COTL1: variants seen among roughly 807,000 people sequenced by gnomAD.
COTL1 encodes coactosin like F-actin binding protein 1, also known as coactosin-like protein.
A neutral mutation model predicts 16.5 loss-of-function variants in COTL1; 15 were observed. The observed-to-expected ratio is 0.91, with a 90% CI of 0.61 to 1.40. The LOEUF is 1.40. Among genes scored for constraint, COTL1 ranks in the 40% most tolerant of loss-of-function variants. The pLI is 0.00. For missense variants in COTL1, 220 were observed against 201.5 expected, an observed-to-expected ratio of 1.09 and a Z score of -0.56; for synonymous variants, 112 against 85.3, an observed-to-expected ratio of 1.31 and a Z score of -1.73.
In COTL1 at chr16:84,606,890, G is replaced by A. The variant is rs570941819; in HGVS notation, c.160+10611C>T. Among the ~76,000 whole-genome samples, 20 of 152,338 alleles carry A rather than the reference G, an allele frequency of 1.3e-4. 1 individual carries two copies. The East Asian group carries it at 3.7e-3, about 28-fold the overall frequency. ...AGGCGCCTACAGCCCATAAGAAGTA[G>A]AGCTGAAATTTGAACCCAGGCATTA... is the stretch of plus-strand genomic sequence containing the variant. On this transcript the variant is annotated intron_variant, in intron 2 of 3. Coordinates refer to ENST00000262428, the MANE Select transcript of COTL1 (RefSeq NM_021149.5).
intron 3 of COTL1, among the ~76,000 whole-genome samples, chr16:84,574,955 A>G (rs1355826166): frequency 1.3e-5 from 2 of 152,210 alleles, no homozygotes; most frequent in Admixed American, 6.5e-5. Flanking sequence ...GGGGCTCTGT[A>G]CAGAGTCTAG....
chr16:84,585,401 C>A (rs1469622620), intron 3 of COTL1, among the ~76,000 whole-genome samples: 1 of 151,320 alleles, frequency 6.6e-6, no homozygotes, highest in Non-Finnish European at 1.5e-5. Flanking sequence ...TCCTCCACAT[C>A]AATGACCGTG....
intron 3 of COTL1, among the ~76,000 whole-genome samples, chr16:84,580,734 A>G (rs1449016665): frequency 1.3e-5 from 2 of 152,216 alleles, no homozygotes; most frequent in African/African-American, 4.8e-5. Flanking sequence ...GGGTCAGTAC[A>G]GCCCCCGGCT....
chr16:84,581,380 G>A (rs1365984275), intron 3 of COTL1, among the ~76,000 whole-genome samples: 4 of 152,166 alleles, frequency 2.6e-5, no homozygotes, highest in Admixed American at 2.0e-4. Flanking sequence ...TGGATGGTCC[G>A]CAGAGTGCTA....
At chr16:84,600,254 ACT>A (rs1433487455) in intron 2 of COTL1, among the ~76,000 whole-genome samples, 1 of 149,622 alleles carries the variant, frequency 6.7e-6, no homozygotes, top group African/African-American at 2.5e-5. Context: ...GAAACCCATT[ACT>A]CTGTTTATTT....
chr16:84,571,024 T>C (rs1597165996), intron 3 of COTL1, among the ~76,000 whole-genome samples: 1 of 151,876 alleles, frequency 6.6e-6, no homozygotes, highest in African/African-American at 2.4e-5. Context: ...TTTCTGAAGA[T>C]ACAGTGACCA....
chr16:84,571,440 A>G (rs913480631), intron 3 of COTL1, among the ~76,000 whole-genome samples: 4 of 152,114 alleles, frequency 2.6e-5, no homozygotes, highest in African/African-American at 9.7e-5. Context: ...GAGTGACACC[A>G]TGAGGCTGGT....
intron 2 of COTL1, among the ~76,000 whole-genome samples, chr16:84,593,660 C>T (rs976672786): frequency 2.7e-4 from 41 of 152,040 alleles, no homozygotes; most frequent in African/African-American, 8.5e-4. Context: ...TACAGGCGCC[C>T]GCCACCACGC....
intron 2 of COTL1, among the ~76,000 whole-genome samples, chr16:84,614,409 T>C (rs1438416541): frequency 6.7e-6 from 1 of 148,328 alleles, no homozygotes; most frequent in Non-Finnish European, 1.5e-5. Flanking sequence ...AAAACAGCTC[T>C]GAGGGAGGAA....
Position 84,604,529 on chromosome 16 carries a change from C to T in COTL1, c.160+12972G>A, listed in dbSNP as rs571866498. Among the ~76,000 whole-genome samples, 53 of 152,174 alleles carry T rather than the reference C, an allele frequency of 3.5e-4. 1 individual carries two copies. The highest frequency in any genetic ancestry group is 3.3e-3 in the South Asian group (16 of 4,820). On this transcript the variant is annotated intron_variant, in intron 2 of 3. Coordinates refer to ENST00000262428, the MANE Select transcript of COTL1 (RefSeq NM_021149.5). ...TGCACCCCACTGAGCTCTCCCAGCA[C>T]GAGTGCCCAGCAGACCGTGAGTGCT...
Position 84,590,219 on chromosome 16 carries a change from A to T in COTL1, c.204T>A (p.Asp68Glu). The T allele has an allele frequency of 2.5e-6, 4 of 1,614,202 alleles. No homozygotes were observed. Among genetic ancestry groups the T allele is most frequent in the Non-Finnish European group, 3.4e-6 (4 of 1,180,018 alleles). The change falls in exon 3 of 4, where the codon GAT (aspartate) becomes GAA (glutamate). Residue 68 changes from aspartate (D) to glutamate (E), a missense_variant. Physicochemically the swap from Asp to Glu is conservative, Grantham distance 45. Coordinates refer to ENST00000262428, the MANE Select transcript of COTL1 (RefSeq NM_021149.5). The surrounding 1 kb of genome is among the most constrained non-coding windows in gnomAD (Gnocchi z 5.5). ...CAAACTTGGACCTCTTGCTCATGGC[A>T]TCCCCGGTGGTGAAGCGCACGAAGG... ...LFAFVRFTTG[D>E]AMSKRSKFAL...
At chr16:84,574,655 C>T (rs1904411789) in intron 3 of COTL1, among the ~76,000 whole-genome samples, 1 of 152,054 alleles carries the variant, frequency 6.6e-6, no homozygotes, top group African/African-American at 2.4e-5. Context: ...GTGCGATCGG[C>T]TCACTGCAAC....
chr16:84,608,497 G>A (rs558308658), intron 2 of COTL1, among the ~76,000 whole-genome samples: 1 of 152,380 alleles, frequency 6.6e-6, no homozygotes, highest in South Asian at 2.1e-4. Flanking sequence ...AAGCTATGCA[G>A]CGTGGCTCAG....
intron 3 of COTL1, among the ~76,000 whole-genome samples, chr16:84,586,240 C>A (rs924609814): frequency 6.6e-6 from 1 of 152,174 alleles, no homozygotes; most frequent in Non-Finnish European, 1.5e-5. Flanking sequence ...CACCTAAAGC[C>A]GAAACCCCTG....
In COTL1 at chr16:84,618,026, T is replaced by A; in HGVS notation, c.-112A>T. 1.9e-6 allele frequency: 1 copy of A among 517,768 alleles called. No homozygotes were observed. Among genetic ancestry groups the A allele is most frequent in the Non-Finnish European group, 2.6e-6 (1 of 379,178 alleles). 32.1% of individuals were successfully genotyped at this position (517,768 alleles called of 1,614,324 possible). A position where few individuals can be genotyped will look rare whatever the true frequency, so the allele number is the denominator to read the frequency against. On this transcript the variant is annotated 5_prime_UTR_variant, in exon 1 of 4. Transcript: ENST00000262428. ...CCGAGGGCGCACGGGCTGGCGGCGG[T>A]GGCGACGGCTACGCGGCGCCTGCAA...
intron 3 of COTL1, among the ~76,000 whole-genome samples, chr16:84,589,746 G>A (rs1300830052): frequency 6.6e-6 from 1 of 151,978 alleles, no homozygotes; most frequent in Non-Finnish European, 1.5e-5. Context: ...GGATCCTTGC[G>A]ACCACCGCCG....
chr16:84,582,004 G>A (rs905858338), intron 3 of COTL1, among the ~76,000 whole-genome samples: 5 of 51,400 alleles, frequency 9.7e-5, no homozygotes, highest in Admixed American at 8.5e-4. Flanking sequence ...TTTTTTTTTT[G>A]AGATGGAGTC....
chr16:84,579,064 C>G (rs988116046), intron 3 of COTL1, among the ~76,000 whole-genome samples: 2 of 151,562 alleles, frequency 1.3e-5, no homozygotes, highest in South Asian at 4.2e-4. Context: ...TATATACACA[C>G]AGGCACACAC....
chr16:84,616,346 A>C (rs1905482600), intron 2 of COTL1: 1 of 152,094 alleles, frequency 6.6e-6, no homozygotes, highest in African/African-American at 2.4e-5. Flanking sequence ...TACTAAAATT[A>C]CAAAAAATTA....
Sources: allele counts gnomAD v4.1 joint callset (sites outside exome capture counted in the v4.1 genomes callset), GRCh38; gene constraint gnomAD v4.1.1; non-coding constraint Gnocchi (gnomAD v3.1); transcripts MANE v1.5; gene names NCBI Gene and HGNC (gene_info 2026-07-23, HGNC 2026-07-21).